The following TBC1D22A variants were observed in gnomAD, a reference collection of about 807,000 sequenced individuals.
TBC1D22A encodes putative GTPase activator.
Under a neutral mutation model 60.2 loss-of-function variants are expected in TBC1D22A, and 38 were observed. That is an observed-to-expected ratio of 0.63 (90% confidence interval 0.49 to 0.83). The LOEUF (loss-of-function observed/expected upper bound fraction) is 0.83, where lower values mean the gene tolerates loss of function less well. TBC1D22A is among the 40% of genes least tolerant of loss of function. The pLI is 0.00. For synonymous variants in TBC1D22A, 302 were observed against 281.7 expected, an observed-to-expected ratio of 1.07 and a Z score of -0.72; for missense variants, 628 against 701.0, an observed-to-expected ratio of 0.90 and a Z score of 1.18.
At chr22:46,927,177 T>C (rs1314848604) in intron 8 of TBC1D22A, among the ~76,000 whole-genome samples, 1 of 152,186 alleles carries the variant, frequency 6.6e-6, no homozygotes, top group Non-Finnish European at 1.5e-5. Flanking sequence ...ACAATATTCC[T>C]TATCACAATG....
chr22:46,919,645 C>G (rs1365817175), intron 8 of TBC1D22A, among the ~76,000 whole-genome samples: 2 of 151,920 alleles, frequency 1.3e-5, no homozygotes, highest in Non-Finnish European at 2.9e-5. Flanking sequence ...TTTTCCCTGC[C>G]CATAGCATTG....
rs541053275 is a variant in TBC1D22A, at chr22:47,003,553, C to T, written c.1201+5844C>T. 9.0e-5 allele frequency among the ~76,000 whole-genome samples: 13 copies of T among 144,764 alleles called. 1 individual carries two copies. The South Asian group carries it at 2.8e-3, about 31-fold the overall frequency. The allele number at this position is 144,764 out of a possible 152,430, so 95.0% of individuals were successfully genotyped here. Reference sequence around the variant, plus strand: ...CACCCTACACACACATGCCTGTATACACACACCCTACGCACACATGCCTGT... The same window carrying T: ...CACCCTACACACACATGCCTGTATATACACACCCTACGCACACATGCCTGT... On this transcript the variant is annotated intron_variant, in intron 10 of 12. Transcript: ENST00000337137.
chr22:46,821,033 G>C (rs2085804027), intron 4 of TBC1D22A, among the ~76,000 whole-genome samples: 1 of 148,486 alleles, frequency 6.7e-6, no homozygotes, highest in Non-Finnish European at 1.5e-5. Flanking sequence ...TTTTATCAGA[G>C]ACGAGGATTG....
chr22:47,169,444 T>TG (rs1287624176), intron 12 of TBC1D22A, among the ~76,000 whole-genome samples: 2 of 152,080 alleles, frequency 1.3e-5, no homozygotes, highest in East Asian at 1.9e-4. Context: ...GCCAGGACAA[T>TG]GGGGCATTTT....
At chr22:47,033,624 T>G (rs1015164562) in intron 10 of TBC1D22A, among the ~76,000 whole-genome samples, 1 of 152,014 alleles carries the variant, frequency 6.6e-6, no homozygotes, top group African/African-American at 2.4e-5. Flanking sequence ...TAGAGGTGTG[T>G]ATAGAACGAA....
intron 4 of TBC1D22A, among the ~76,000 whole-genome samples, chr22:46,808,508 G>A (rs1476587580): frequency 6.6e-6 from 1 of 152,164 alleles, no homozygotes; most frequent in Non-Finnish European, 1.5e-5. Flanking sequence ...CCTTGGTTTT[G>A]CATAGAGAGG....
intron 4 of TBC1D22A, among the ~76,000 whole-genome samples, chr22:46,806,917 A>G (rs1240932446): frequency 1.3e-5 from 2 of 152,162 alleles, no homozygotes; most frequent in Non-Finnish European, 2.9e-5. Flanking sequence ...GGGAAGTTCA[A>G]CCTCTTCACA....
intron 1 of TBC1D22A, among the ~76,000 whole-genome samples, chr22:46,770,428 G>A (rs1218942894): frequency 6.6e-6 from 1 of 152,224 alleles, no homozygotes; most frequent in Admixed American, 6.5e-5. Flanking sequence ...TCAGAACTTC[G>A]AGATAGTGAA....
At chr22:46,822,817 A>T (rs1390753653) in intron 4 of TBC1D22A, among the ~76,000 whole-genome samples, 1 of 152,074 alleles carries the variant, frequency 6.6e-6, no homozygotes, top group Non-Finnish European at 1.5e-5. Context: ...GTCTGGGCTA[A>T]GGGTTGGTGG....
intron 11 of TBC1D22A, among the ~76,000 whole-genome samples, chr22:47,079,706 G>A (rs1309079075): frequency 6.6e-6 from 1 of 152,074 alleles, no homozygotes; most frequent in Non-Finnish European, 1.5e-5. Context: ...GAAAGAGTCT[G>A]GACATGTAGG....
chr22:47,076,673 C>T (rs1270314541), intron 11 of TBC1D22A, among the ~76,000 whole-genome samples: 1 of 151,972 alleles, frequency 6.6e-6, no homozygotes, highest in Non-Finnish European at 1.5e-5. Flanking sequence ...TGTTTGTTCT[C>T]CTCCCTGACC....
intron 8 of TBC1D22A, among the ~76,000 whole-genome samples, chr22:46,933,505 G>A (rs2071469828): frequency 6.6e-6 from 1 of 152,214 alleles, no homozygotes; most frequent in Non-Finnish European, 1.5e-5. Context: ...GGAGGGAAAC[G>A]AGGCAGTCTC....
chr22:47,139,499 C>T (rs2067000852), intron 12 of TBC1D22A, among the ~76,000 whole-genome samples: 1 of 152,224 alleles, frequency 6.6e-6, no homozygotes, highest in South Asian at 2.1e-4. Context: ...GGTCTCCACC[C>T]AGCTCCTGCG....
intron 10 of TBC1D22A, among the ~76,000 whole-genome samples, chr22:47,007,978 G>A (rs867929312): frequency 6.6e-6 from 1 of 152,198 alleles, no homozygotes; most frequent in Non-Finnish European, 1.5e-5. Context: ...TTAGCAGGAA[G>A]CATGACTCTT....
At chr22:47,056,022 G>A (rs934606237) in intron 11 of TBC1D22A, among the ~76,000 whole-genome samples, 2 of 152,178 alleles carry the variant, frequency 1.3e-5, no homozygotes, top group Admixed American at 1.3e-4. Flanking sequence ...GACTGAGCAG[G>A]GCTCCCGTCA....
intron 12 of TBC1D22A, among the ~76,000 whole-genome samples, chr22:47,156,868 C>T (rs1395999935): frequency 6.6e-6 from 1 of 152,252 alleles, no homozygotes; most frequent in African/African-American, 2.4e-5. Context: ...CTGCATGCTG[C>T]ACCCATTTGC....
chr22:46,968,322 C>A (rs1040739984), intron 8 of TBC1D22A, among the ~76,000 whole-genome samples: 2 of 152,228 alleles, frequency 1.3e-5, no homozygotes, highest in Non-Finnish European at 2.9e-5. Flanking sequence ...CACTTCCTAG[C>A]GCAGGACCTG....
intron 8 of TBC1D22A, among the ~76,000 whole-genome samples, chr22:46,941,398 TAC>T (rs71315175): frequency 0.052 from 4,131 of 79,898 alleles, 597 homozygotes; most frequent in African/African-American, 0.066. Flanking sequence ...GGAATATATA[TAC>T]ACAGAATATA....
At chr22:47,039,503 G>A (rs2062766284) in intron 11 of TBC1D22A, among the ~76,000 whole-genome samples, 1 of 151,904 alleles carries the variant, frequency 6.6e-6, no homozygotes, top group South Asian at 2.1e-4. Flanking sequence ...TGGGACACGT[G>A]TCAATAAAAG....
Sources: allele counts gnomAD v4.1 joint callset (sites outside exome capture counted in the v4.1 genomes callset), GRCh38; gene constraint gnomAD v4.1.1; transcripts MANE v1.5; gene names NCBI Gene and HGNC (gene_info 2026-07-23, HGNC 2026-07-21).